Variants in NFIB observed in about 807,000 individuals in gnomAD.
NFIB encodes the protein nuclear factor 1 B-type.
In NFIB, 11 loss-of-function variants were observed where a neutral mutation model predicts 61.5. The observed-to-expected ratio is 0.18, with a 90% CI of 0.11 to 0.30. The LOEUF (loss-of-function observed/expected upper bound fraction) is 0.30, where lower values mean the gene tolerates loss of function less well. NFIB is among the 10% of genes least tolerant of loss of function. The pLI, the probability that NFIB is intolerant of heterozygous loss-of-function variation, is 1.00. For missense variants in NFIB, 471 were observed against 608.9 expected (o/e 0.77, Z 2.38); for synonymous variants, 260 against 216.5 (o/e 1.20, Z -1.76).
intron 3 of NFIB, among the ~76,000 whole-genome samples, chr9:14,156,624 C>T (rs1307472374): frequency 6.6e-6 from 1 of 152,136 alleles, no homozygotes; most frequent in African/African-American, 2.4e-5. Flanking sequence ...GGGGCAGGGT[C>T]CACAGTGGCC....
chr9:14,220,078 A>G (rs576571695), intron 2 of NFIB, among the ~76,000 whole-genome samples: 49 of 152,340 alleles, frequency 3.2e-4, no homozygotes, highest in Non-Finnish European at 4.3e-4. Flanking sequence ...ATGTTGAGCC[A>G]AGGAATTTCC....
intron 1 of NFIB, among the ~76,000 whole-genome samples, chr9:14,365,364 G>C (rs1489369524): frequency 6.6e-6 from 1 of 152,174 alleles, no homozygotes; most frequent in Admixed American, 6.5e-5. Flanking sequence ...AATGCTAAAG[G>C]CTCTGAGGAT....
At chr9:14,143,000 CATAAT>C (rs1563829609) in intron 6 of NFIB, among the ~76,000 whole-genome samples, 1 of 151,970 alleles carries the variant, frequency 6.6e-6, no homozygotes, top group Non-Finnish European at 1.5e-5. Flanking sequence ...ATAAATACTA[CATAAT>C]ATAGATGCTG....
At chr9:14,297,128 A>G in intron 2 of NFIB, among the ~76,000 whole-genome samples, 1 of 152,212 alleles carries the variant, frequency 6.6e-6, no homozygotes, top group South Asian at 2.1e-4. Flanking sequence ...CTTTCGATGT[A>G]GGAACTGAGG....
chr9:14,487,733 A>G, the NFIB span, among the ~76,000 whole-genome samples: 1 of 152,252 alleles, frequency 6.6e-6, no homozygotes. Flanking sequence ...CGCAGCAGCC[A>G]GCACCATGGC....
chr9:14,292,630 G>C (rs894258555), intron 2 of NFIB, among the ~76,000 whole-genome samples: 8 of 152,150 alleles, frequency 5.3e-5, no homozygotes, highest in African/African-American at 1.2e-4. Flanking sequence ...GAGTTACTGA[G>C]AGGGACAAAG....
chr9:14,105,227 T>C (rs2036386633), intron 10 of NFIB, among the ~76,000 whole-genome samples: 2 of 152,194 alleles, frequency 1.3e-5, no homozygotes, highest in South Asian at 4.1e-4. Flanking sequence ...ACTACAGCTA[T>C]TCATTATCAT....
intron 2 of NFIB, among the ~76,000 whole-genome samples, chr9:14,284,687 T>C (rs542640290): frequency 1.6e-4 from 25 of 152,362 alleles, no homozygotes; most frequent in African/African-American, 6.0e-4. Context: ...CAAGTGTACA[T>C]AGATATTTTA....
intron 7 of NFIB, among the ~76,000 whole-genome samples, chr9:14,122,863 G>C (rs925495064): frequency 6.6e-6 from 1 of 152,162 alleles, no homozygotes; most frequent in Non-Finnish European, 1.5e-5. Context: ...ATGAGCTGTA[G>C]GTGGCCTGAT....
chr9:14,127,496 G>A (rs2039822297), intron 6 of NFIB, among the ~76,000 whole-genome samples: 1 of 152,054 alleles, frequency 6.6e-6, no homozygotes, highest in Non-Finnish European at 1.5e-5. Flanking sequence ...GTACTTTGAA[G>A]CAAATCCCAG....
At chr9:14,523,115 A>C in the NFIB span, among the ~76,000 whole-genome samples, 41 of 152,172 alleles carry the variant, frequency 2.7e-4, no homozygotes, top group African/African-American at 9.6e-4. Context: ...GGGCCTCCAG[A>C]GTACTCTCTC....
At chr9:14,306,047 T>TA (rs1172441150) in intron 2 of NFIB, 9 of 837,512 alleles carry the variant, frequency 1.1e-5, no homozygotes, top group Middle Eastern at 5.5e-4. Flanking sequence ...TTAAGAAAAA[T>TA]AAAAATAATA....
intron 10 of NFIB, among the ~76,000 whole-genome samples, chr9:14,092,631 T>C (rs913045948): frequency 5.3e-5 from 8 of 152,114 alleles, no homozygotes; most frequent in African/African-American, 1.9e-4. Context: ...GAACTTTTCA[T>C]GCACCATACA....
intron 3 of NFIB, among the ~76,000 whole-genome samples, chr9:14,169,292 G>A (rs1371591481): frequency 6.6e-6 from 1 of 152,004 alleles, no homozygotes; most frequent in Non-Finnish European, 1.5e-5. Context: ...GAATACTGCA[G>A]GAACACACAT....
At chr9:14,320,599 G>C (rs1278420413) in intron 1 of NFIB, among the ~76,000 whole-genome samples, 2 of 152,134 alleles carry the variant, frequency 1.3e-5, no homozygotes, top group East Asian at 3.9e-4. Context: ...CAGTTTCTTT[G>C]CCTCACAATG....
intron 2 of NFIB, among the ~76,000 whole-genome samples, chr9:14,243,622 T>G (rs897795016): frequency 2.0e-5 from 3 of 150,812 alleles, no homozygotes; most frequent in African/African-American, 7.3e-5. Context: ...AAAAAAAAAG[T>G]ACAAAAACAA....
At chr9:14,116,842 A>G (rs563649070) in intron 8 of NFIB, among the ~76,000 whole-genome samples, 116 of 152,338 alleles carry the variant, frequency 7.6e-4, no homozygotes, top group African/African-American at 2.7e-3. Context: ...GATCAAATAC[A>G]ACGAATTCTG....
At chr9:14,273,101 A>G (rs1227416959) in intron 2 of NFIB, among the ~76,000 whole-genome samples, 1 of 152,190 alleles carries the variant, frequency 6.6e-6, no homozygotes, top group Non-Finnish European at 1.5e-5. Flanking sequence ...TCACTCATTA[A>G]CGAGCCAGCA....
At chr9:14,266,172 G>C (rs1161504755) in intron 2 of NFIB, among the ~76,000 whole-genome samples, 2 of 152,076 alleles carry the variant, frequency 1.3e-5, no homozygotes, top group Non-Finnish European at 1.5e-5. Flanking sequence ...AGCTCCACTG[G>C]CTTCTAAGTC....
Sources: gnomAD v4.1 joint callset for allele counts (sites outside exome capture counted in the v4.1 genomes callset) on GRCh38, gnomAD v4.1.1 for gene constraint, MANE v1.5 for transcripts, NCBI Gene and HGNC (gene_info 2026-07-23, HGNC 2026-07-21) for gene names.